The following ERBB4 variants were observed in gnomAD, a reference collection of about 807,000 sequenced individuals.
ERBB4 encodes receptor tyrosine-protein kinase erbB-4.
In ERBB4, 42 loss-of-function variants were observed where a neutral mutation model predicts 158.0. The ratio of observed to expected loss-of-function variants is 0.27; its 90% CI spans 0.21 to 0.34. The LOEUF is 0.34. Among genes scored for constraint, ERBB4 ranks in the 10% least tolerant of loss-of-function variants. The pLI, the probability that ERBB4 is intolerant of heterozygous loss-of-function variation, is 1.00. For missense variants in ERBB4, 1,333 were observed against 1,624.1 expected, an observed-to-expected ratio of 0.82 and a Z score of 3.08; for synonymous variants, 583 against 558.7, an observed-to-expected ratio of 1.04 and a Z score of -0.61.
At chr2:211,466,106 C>A (rs1348546525) in intron 20 of ERBB4, among the ~76,000 whole-genome samples, 1 of 152,102 alleles carries the variant, frequency 6.6e-6, no homozygotes, top group Non-Finnish European at 1.5e-5. Context: ...CACCAGGGCA[C>A]TTTGTTACCA....
chr2:212,363,608 T>A (rs940431840), intron 1 of ERBB4, among the ~76,000 whole-genome samples: 1 of 151,554 alleles, frequency 6.6e-6, no homozygotes, highest in African/African-American at 2.4e-5. Flanking sequence ...TAATTTACAT[T>A]TGACAGCAAA....
intron 2 of ERBB4, among the ~76,000 whole-genome samples, chr2:212,040,608 C>T (rs1209161728): frequency 3.9e-5 from 6 of 152,100 alleles, no homozygotes; most frequent in Admixed American, 3.9e-4. Flanking sequence ...TCGTCTCTGC[C>T]AGTTGCCCTA....
intron 2 of ERBB4, among the ~76,000 whole-genome samples, chr2:211,997,350 G>GA (rs1214327012): frequency 6.6e-6 from 1 of 150,538 alleles, no homozygotes; most frequent in Non-Finnish European, 1.5e-5. Flanking sequence ...ACTTTCACTT[G>GA]TTAAAAAAAA....
intron 2 of ERBB4, 103 bp downstream of exon 2, chr2:212,124,649 G>A: frequency 1.5e-6 from 2 of 1,319,726 alleles, no homozygotes; most frequent in African/African-American, 2.9e-5. Flanking sequence ...GTGCCTGCCA[G>A]GCAGAAGAGC....
intron 1 of ERBB4, among the ~76,000 whole-genome samples, chr2:212,490,233 A>G (rs1690199938): frequency 1.3e-5 from 2 of 151,854 alleles, no homozygotes; most frequent in Admixed American, 6.6e-5. Context: ...ATAGTTTGTC[A>G]TAACTGAAGT....
intron 1 of ERBB4, among the ~76,000 whole-genome samples, chr2:212,516,378 A>G (rs1691843738): frequency 6.6e-6 from 1 of 152,110 alleles, no homozygotes; most frequent in South Asian, 2.1e-4. Flanking sequence ...GTGATCTATT[A>G]TTTCTCCTCC....
intron 20 of ERBB4, among the ~76,000 whole-genome samples, chr2:211,540,689 G>T (rs988462445): frequency 6.6e-6 from 1 of 151,472 alleles, no homozygotes; most frequent in African/African-American, 2.4e-5. Flanking sequence ...TCAGCCTCCC[G>T]AGTATAAGCT....
chr2:211,894,486 C>T (rs2079051173), intron 3 of ERBB4, among the ~76,000 whole-genome samples: 1 of 149,920 alleles, frequency 6.7e-6, no homozygotes, highest in Non-Finnish European at 1.5e-5. Context: ...GGGTGCAGCG[C>T]ACCAGCATGG....
chr2:211,845,499 G>C, intron 3 of ERBB4, among the ~76,000 whole-genome samples: 1 of 152,130 alleles, frequency 6.6e-6, no homozygotes, highest in Non-Finnish European at 1.5e-5. Context: ...AACACAGTTA[G>C]CAGTGGCTTC....
chr2:212,067,539 C>T (rs1313272014), intron 2 of ERBB4, among the ~76,000 whole-genome samples: 1 of 151,920 alleles, frequency 6.6e-6, no homozygotes, highest in Non-Finnish European at 1.5e-5. Context: ...GTCCTACAGG[C>T]CAAAACTGGA....
chr2:211,592,503 T>C (rs760149167), intron 19 of ERBB4, among the ~76,000 whole-genome samples: 1 of 152,164 alleles, frequency 6.6e-6, no homozygotes, highest in African/African-American at 2.4e-5. Flanking sequence ...TAAAGCGTAA[T>C]GTCTGACATG....
chr2:211,986,976 A>C (rs2125243913), intron 2 of ERBB4, among the ~76,000 whole-genome samples: 1 of 152,324 alleles, frequency 6.6e-6, no homozygotes, highest in East Asian at 1.9e-4. Context: ...GTATGAAAAC[A>C]CAAAATATAA....
intron 2 of ERBB4, among the ~76,000 whole-genome samples, chr2:212,082,103 C>T (rs1431005539): frequency 2.0e-5 from 3 of 152,090 alleles, no homozygotes; most frequent in African/African-American, 7.2e-5. Flanking sequence ...TGACACTCTT[C>T]TGCATGAACC....
chr2:211,616,018 C>A (rs559935440), intron 19 of ERBB4, among the ~76,000 whole-genome samples: 2 of 152,182 alleles, frequency 1.3e-5, no homozygotes. Flanking sequence ...TGCAGCAGAT[C>A]TTATTTAGCT....
chr2:211,977,063 T>C (rs2081628732), intron 2 of ERBB4, among the ~76,000 whole-genome samples: 1 of 152,198 alleles, frequency 6.6e-6, no homozygotes, highest in African/African-American at 2.4e-5. Context: ...GGGAAGAAGA[T>C]GCAGGAAGAG....
chr2:212,123,666 C>T (rs988199172), intron 2 of ERBB4, among the ~76,000 whole-genome samples: 8 of 152,144 alleles, frequency 5.3e-5, no homozygotes, highest in African/African-American at 1.9e-4. Context: ...TCATAAGCCA[C>T]ACAGTGTTAT....
chr2:212,046,119 TGTGAA>T (rs2077255656), intron 2 of ERBB4, among the ~76,000 whole-genome samples: 1 of 152,104 alleles, frequency 6.6e-6, no homozygotes, highest in African/African-American at 2.4e-5. Flanking sequence ...TTTTCAGACA[TGTGAA>T]GTGGAGAAGA....
At chr2:211,882,901 G>A (rs1343319644) in intron 3 of ERBB4, among the ~76,000 whole-genome samples, 1 of 152,104 alleles carries the variant, frequency 6.6e-6, no homozygotes, top group African/African-American at 2.4e-5. Context: ...TTGTATCTGT[G>A]TTGGGTTCTA....
At chr2:212,370,224 A>C (rs1027410235) in intron 1 of ERBB4, among the ~76,000 whole-genome samples, 8 of 152,082 alleles carry the variant, frequency 5.3e-5, no homozygotes, top group African/African-American at 1.4e-4. Flanking sequence ...CTTCACTCAG[A>C]ATTCATTCTC....
Sources: gnomAD v4.1 joint callset for allele counts (sites outside exome capture counted in the v4.1 genomes callset) on GRCh38, gnomAD v4.1.1 for gene constraint, MANE v1.5 for transcripts, NCBI Gene and HGNC (gene_info 2026-07-23, HGNC 2026-07-21) for gene names.